The following IFT74 variants were observed in gnomAD, a reference collection of about 807,000 sequenced individuals.
IFT74 encodes the protein intraflagellar transport protein 74 homolog.
Under a neutral mutation model 96.7 loss-of-function variants are expected in IFT74, and 92 were observed. The ratio of observed to expected loss-of-function variants is 0.95; its 90% confidence interval spans 0.80 to 1.13. The LOEUF is 1.13. Ranked by LOEUF, IFT74 falls within the 50% of genes most tolerant of loss-of-function variation. The probability of loss-of-function intolerance (pLI) is 0.00; values close to 1 mark genes in which losing one functional copy is unlikely to be tolerated. For synonymous variants in IFT74, 223 were observed against 213.2 expected (o/e 1.05, Z -0.40); for missense variants, 811 against 698.2 (o/e 1.16, Z -1.82).
At chr9:26,981,046 G>A (rs954246192) in intron 4 of IFT74, among the ~76,000 whole-genome samples, 4 of 152,148 alleles carry the variant, frequency 2.6e-5, no homozygotes, top group Non-Finnish European at 5.9e-5. Context: ...TGTCCTCATG[G>A]CAGAAGAGTG....
At chr9:27,028,649 G>C (rs1470382140) in intron 12 of IFT74, among the ~76,000 whole-genome samples, 1 of 152,062 alleles carries the variant, frequency 6.6e-6, no homozygotes, top group East Asian at 1.9e-4. Context: ...CCAGCTATTC[G>C]GGAGGCTGAG....
intron 12 of IFT74, among the ~76,000 whole-genome samples, chr9:27,025,112 A>G (rs1397528854): frequency 6.6e-6 from 1 of 152,102 alleles, no homozygotes; most frequent in East Asian, 1.9e-4. Flanking sequence ...AATCAAGGAA[A>G]ACTTCCCTGG....
At chr9:27,039,058 A>G (rs1819346510) in intron 13 of IFT74, among the ~76,000 whole-genome samples, 3 of 152,228 alleles carry the variant, frequency 2.0e-5, no homozygotes, top group Admixed American at 6.5e-5. Context: ...CTTGTGTTTC[A>G]CCACTTACCT....
intron 18 of IFT74, among the ~76,000 whole-genome samples, chr9:27,060,316 T>C (rs560333873): frequency 6.6e-6 from 1 of 152,264 alleles, no homozygotes; most frequent in Admixed American, 6.5e-5. Flanking sequence ...AGGAAAATCA[T>C]AAATTGTCTT....
At chr9:26,985,005 T>C (rs1827576178) in intron 6 of IFT74, among the ~76,000 whole-genome samples, 1 of 152,172 alleles carries the variant, frequency 6.6e-6, no homozygotes, top group African/African-American at 2.4e-5. Flanking sequence ...CACATGCACA[T>C]GTGTGTTCAT....
At chr9:27,011,529 TA>T (rs1829074680) in intron 9 of IFT74, among the ~76,000 whole-genome samples, 1 of 152,198 alleles carries the variant, frequency 6.6e-6, no homozygotes, top group African/African-American at 2.4e-5. Context: ...AAATTTTAAA[TA>T]ATAATCTTAA....
intron 2 of IFT74, among the ~76,000 whole-genome samples, chr9:26,966,003 T>C (rs1826592252): frequency 6.6e-6 from 1 of 152,096 alleles, no homozygotes; most frequent in Non-Finnish European, 1.5e-5. Context: ...TATGTGTATA[T>C]ATATATATGT....
In IFT74 at chr9:27,062,746, C is replaced by G; in HGVS notation, c.*10C>G. The stretch of plus-strand genomic sequence containing the variant: ...CACCAGCGGAAACTGAGTTTAAGTC[C>G]ACTGAAAGTCTCTAAGGAAGTATCC... On this transcript the variant is annotated 3_prime_UTR_variant, in exon 20 of 20. Coordinates refer to ENST00000380062, the MANE Select transcript of IFT74 (RefSeq NM_025103.4). 1 of 1,369,554 alleles carries G rather than the reference C, an allele frequency of 7.3e-7. No individual in the cohort carries two copies. Among genetic ancestry groups the G allele is most frequent in the Non-Finnish European group, 1.0e-6 (1 of 966,688 alleles). The allele number at this position is 1,369,554 out of a possible 1,614,324, so 84.8% of individuals were successfully genotyped here.
At position 27,016,970 on chromosome 9, in the gene IFT74, G is replaced by A; in HGVS notation, c.853G>A (p.Glu285Lys). Reference protein sequence around the residue: ...VLLHEKLYELESHRDQMIAED... With the variant: ...VLLHEKLYELKSHRDQMIAED... ...GCTGCATGAAAAACTTTATGAGTTGGAGTCCCATCGAGATCAAATGATTGC... is the reference window on the plus strand; with the variant it reads ...GCTGCATGAAAAACTTTATGAGTTGAAGTCCCATCGAGATCAAATGATTGC... The change falls in exon 11 of 20, where the codon GAG (glutamate) becomes AAG (lysine). Residue 285 changes from glutamate to lysine, a missense_variant. Physicochemically the swap from Glu to Lys is moderately conservative, Grantham distance 56 (BLOSUM62 1). Transcript: ENST00000380062. 6.2e-7 allele frequency: 1 copy of A among 1,611,306 alleles called. No individual in the cohort carries two copies. The highest frequency in any genetic ancestry group is 8.5e-7 in the Non-Finnish European group (1 of 1,178,506).
intron 1 of IFT74, among the ~76,000 whole-genome samples, chr9:26,959,187 C>T (rs1280197574): frequency 6.6e-6 from 1 of 152,202 alleles, no homozygotes; most frequent in Non-Finnish European, 1.5e-5. Flanking sequence ...CAGCTCACTG[C>T]AAGCTCTGCC....
chr9:27,026,771 C>T (rs1278635199), intron 12 of IFT74, among the ~76,000 whole-genome samples: 1 of 152,030 alleles, frequency 6.6e-6, no homozygotes, highest in Admixed American at 6.6e-5. Flanking sequence ...ATTCTTTGAA[C>T]TGAACAATAA....
At chr9:26,976,412 T>G (rs1487412074) in intron 2 of IFT74, among the ~76,000 whole-genome samples, 1 of 152,092 alleles carries the variant, frequency 6.6e-6, no homozygotes, top group Non-Finnish European at 1.5e-5. Flanking sequence ...GAAAGTAGAG[T>G]AGAAGCTTTT....
chr9:26,951,307 A>G (rs1825923448), intron 1 of IFT74, among the ~76,000 whole-genome samples: 1 of 152,224 alleles, frequency 6.6e-6, no homozygotes, highest in African/African-American at 2.4e-5. Flanking sequence ...AGGAAAACCC[A>G]GGCAAACTAA....
intron 1 of IFT74, among the ~76,000 whole-genome samples, chr9:26,960,173 G>A (rs914998373): frequency 6.6e-6 from 1 of 151,624 alleles, no homozygotes; most frequent in Admixed American, 6.6e-5. Flanking sequence ...CCTTCTCTTG[G>A]CGTCTCTGAC....
chr9:27,016,641 C>T (rs1326710223), intron 10 of IFT74, among the ~76,000 whole-genome samples: 8 of 152,162 alleles, frequency 5.3e-5, no homozygotes, highest in Non-Finnish European at 1.2e-4. Flanking sequence ...TTGTCCTATA[C>T]TTATTCAGGT....
At chr9:27,032,946 A>AT (rs1431295336) in intron 13 of IFT74, among the ~76,000 whole-genome samples, 7 of 152,184 alleles carry the variant, frequency 4.6e-5, no homozygotes, top group African/African-American at 1.7e-4. Flanking sequence ...TAAAATTGTA[A>AT]TTTTAAATAT....
intron 1 of IFT74, among the ~76,000 whole-genome samples, chr9:26,960,396 C>T (rs1037174290): frequency 8.6e-5 from 13 of 151,974 alleles, no homozygotes; most frequent in Admixed American, 2.0e-4. Flanking sequence ...ATATTGTAGC[C>T]CAGTAAACAC....
intron 18 of IFT74, among the ~76,000 whole-genome samples, chr9:27,057,751 G>A (rs1261622807): frequency 2.6e-5 from 4 of 151,982 alleles, no homozygotes; most frequent in East Asian, 3.9e-4. Context: ...CCAGCTACTC[G>A]GGAGGCTGAG....
At chr9:26,969,232 A>G (rs1283861485) in intron 2 of IFT74, among the ~76,000 whole-genome samples, 1 of 151,972 alleles carries the variant, frequency 6.6e-6, no homozygotes, top group African/African-American at 2.4e-5. Flanking sequence ...CTTGTTATCA[A>G]TTTGTGGTTT....
Sources: allele counts gnomAD v4.1 joint callset (sites outside exome capture counted in the v4.1 genomes callset), GRCh38; gene constraint gnomAD v4.1.1; transcripts MANE v1.5; gene names NCBI Gene and HGNC (gene_info 2026-07-23, HGNC 2026-07-21).